The following PRKAG2 variants were observed in gnomAD, a reference collection of about 807,000 sequenced individuals.
The protein encoded by PRKAG2 is 5'-AMP-activated protein kinase subunit gamma-2.
A neutral mutation model predicts 69.6 loss-of-function variants in PRKAG2; 26 were observed. That is an observed-to-expected ratio of 0.37 (90% confidence interval 0.27 to 0.52). The LOEUF (loss-of-function observed/expected upper bound fraction) is 0.52, where lower values mean the gene tolerates loss of function less well. PRKAG2 is among the 20% of genes least tolerant of loss of function. The pLI, the probability that PRKAG2 is intolerant of heterozygous loss-of-function variation, is 0.90. For missense variants in PRKAG2, 557 were observed against 740.0 expected (o/e 0.75, Z 2.87); for synonymous variants, 293 against 285.0 (o/e 1.03, Z -0.28).
chr7:151,690,723 T>C (rs1407215807), intron 3 of PRKAG2, among the ~76,000 whole-genome samples: 1 of 152,222 alleles, frequency 6.6e-6, no homozygotes, highest in Non-Finnish European at 1.5e-5. Context: ...CTCCACAGCT[T>C]CAGCATCTAT....
intron 1 of PRKAG2, among the ~76,000 whole-genome samples, chr7:151,865,583 C>G (rs1563765572): frequency 6.6e-6 from 1 of 152,206 alleles, no homozygotes; most frequent in Non-Finnish European, 1.5e-5. Context: ...CTGGATGACT[C>G]AGTGAGAAGA....
intron 1 of PRKAG2, chr7:151,810,199 T>C (rs560700036): frequency 1.3e-5 from 2 of 152,334 alleles, no homozygotes; most frequent in African/African-American, 4.8e-5. Flanking sequence ...ATGCTCACAT[T>C]TGTCAGCTGT....
intron 3 of PRKAG2, among the ~76,000 whole-genome samples, chr7:151,688,948 A>G (rs1835200552): frequency 6.6e-6 from 1 of 151,944 alleles, no homozygotes; most frequent in South Asian, 2.1e-4. Flanking sequence ...CCATCTTCTG[A>G]GAGGAGCTAT....
chr7:151,652,024 G>A (rs1294725467), intron 4 of PRKAG2, among the ~76,000 whole-genome samples: 1 of 152,200 alleles, frequency 6.6e-6, no homozygotes, highest in East Asian at 1.9e-4. Flanking sequence ...ACTGCTAAGT[G>A]TAGATTTTAA....
rs1321738739 is a variant in PRKAG2, at chr7:151,710,298, G to A, written c.467-34661C>T. ...GCCCAGCCTGTCTCTATCTCAGTGC[G>A]TGGCACCCCTGTCCCCCAGCTGCCG... On this transcript the variant is annotated intron_variant, in intron 3 of 15. Coordinates refer to ENST00000287878, the MANE Select transcript of PRKAG2 (RefSeq NM_016203.4). 3.3e-5 allele frequency among the ~76,000 whole-genome samples: 5 copies of A among 152,226 alleles called. No individual in the cohort carries two copies. In the East Asian group the frequency reaches 5.8e-4, roughly 18 times the overall value.
intron 3 of PRKAG2, among the ~76,000 whole-genome samples, chr7:151,774,100 G>A (rs1245362006): frequency 6.6e-6 from 1 of 152,178 alleles, no homozygotes. Context: ...TTTGGTTGGG[G>A]TGTTTGACTC....
rs60401332 is a variant in PRKAG2, at chr7:151,860,594, G to A, written c.114+15913C>T. The stretch of plus-strand genomic sequence containing the variant: ...CCCACCCCACCCGAGGCCCACTGCA[G>A]ACTGGAAGGAGATGACTTGGGAGCC... On this transcript the variant is annotated intron_variant, in intron 1 of 15. Transcript: ENST00000287878. 3.0e-3 allele frequency among the ~76,000 whole-genome samples: 452 copies of A among 152,234 alleles called. 2 individuals are homozygous for A. Among genetic ancestry groups the A allele is most frequent in the African/African-American group, 0.01 (435 of 41,540 alleles).
intron 6 of PRKAG2, among the ~76,000 whole-genome samples, chr7:151,579,534 T>C (rs1809840443): frequency 6.6e-6 from 1 of 152,164 alleles, no homozygotes; most frequent in African/African-American, 2.4e-5. Flanking sequence ...GGAAACACTA[T>C]TTGAGGGCCC....
At chr7:151,865,356 G>GCCC in intron 1 of PRKAG2, among the ~76,000 whole-genome samples, 1 of 152,384 alleles carries the variant, frequency 6.6e-6, no homozygotes, top group Non-Finnish European at 1.5e-5. Context: ...GGCCAAGCCA[G>GCCC]CCCCAACCAC....
intron 13 of PRKAG2, 26 bp from the exon 14 acceptor site, chr7:151,564,250 A>G (rs201887236): frequency 1.5e-5 from 25 of 1,613,066 alleles, no homozygotes; most frequent in Middle Eastern, 3.3e-4. Flanking sequence ...AGAATAAATT[A>G]TATCCTTTCA....
intron 3 of PRKAG2, among the ~76,000 whole-genome samples, chr7:151,704,557 G>A (rs1838282441): frequency 6.6e-6 from 1 of 152,100 alleles, no homozygotes; most frequent in African/African-American, 2.4e-5. Context: ...TCTACTCTGG[G>A]GCTATTATAA....
chr7:151,757,496 C>T (rs1003011337), intron 3 of PRKAG2, among the ~76,000 whole-genome samples: 2 of 152,162 alleles, frequency 1.3e-5, no homozygotes, highest in African/African-American at 2.4e-5. Context: ...ATGGGAGATT[C>T]GGATTCAACC....
intron 3 of PRKAG2, among the ~76,000 whole-genome samples, chr7:151,740,567 G>A (rs2073811140): frequency 6.6e-6 from 1 of 152,198 alleles, no homozygotes; most frequent in Admixed American, 6.5e-5. Context: ...ATAGATACGG[G>A]GATCAGATAT....
In PRKAG2 at chr7:151,675,606, G is replaced by A. The variant is rs1230264795; in HGVS notation, c.498C>T (p.Pro166=). 1.2e-6 allele frequency: 2 copies of A among 1,614,064 alleles called. No individual in the cohort carries two copies. Among genetic ancestry groups the A allele is most frequent in the African/African-American group, 2.7e-5 (2 of 75,050 alleles). ...TSGLSSSPST[P]TQVTKQHTFP... The stretch of plus-strand genomic sequence containing the variant: ...ACGTGTGCTGCTTGGTCACTTGGGT[G>A]GGTGTTGACGGAGAGGAGGAGAGGC... Residue 166 remains proline (P), a synonymous_variant, in exon 4 of 16, where the codon CCC becomes CCT. Coordinates refer to ENST00000287878, the MANE Select transcript of PRKAG2 (RefSeq NM_016203.4).
In PRKAG2 at chr7:151,644,502, C is replaced by T. The variant is rs543290956; in HGVS notation, c.685-12364G>A. On this transcript the variant is annotated intron_variant, in intron 4 of 15. Transcript: ENST00000287878. ...TAATTATTTTGCCATTCATTCATGT[C>T]GCTCAGTATACCAGTAGTTTGTTCA... Among the ~76,000 whole-genome samples the T allele has an allele frequency of 1.6e-4, 24 of 152,298 alleles. No homozygotes were observed. In the South Asian group the frequency reaches 4.3e-3, roughly 28 times the overall value.
intron 4 of PRKAG2, among the ~76,000 whole-genome samples, chr7:151,640,820 G>C (rs1826546657): frequency 1.3e-5 from 2 of 152,176 alleles, no homozygotes; most frequent in Admixed American, 1.3e-4. Context: ...TCTCTGAAGG[G>C]AACGAATGAC....
chr7:151,596,889 T>C (rs1160769271), intron 5 of PRKAG2, among the ~76,000 whole-genome samples: 1 of 152,088 alleles, frequency 6.6e-6, no homozygotes, highest in Non-Finnish European at 1.5e-5. Flanking sequence ...ATGCAATGCC[T>C]ATCAAAATAC....
chr7:151,642,860 G>A (rs576555797), intron 4 of PRKAG2, among the ~76,000 whole-genome samples: 9 of 152,282 alleles, frequency 5.9e-5, no homozygotes, highest in African/African-American at 2.2e-4. Flanking sequence ...GGAGACAATG[G>A]TAAGCTTTTG....
Position 151,711,247 on chromosome 7 carries a change from G to T in PRKAG2, c.467-35610C>A, listed in dbSNP as rs1795256247. ...AGGCTTAAAGTGCTAAGAGTACTAGGCTGAGAGTATGAAGAGTGCTAGGCT... is the reference window on the plus strand; with the variant it reads ...AGGCTTAAAGTGCTAAGAGTACTAGTCTGAGAGTATGAAGAGTGCTAGGCT... On this transcript the variant is annotated intron_variant, in intron 3 of 15. Coordinates refer to ENST00000287878, the MANE Select transcript of PRKAG2 (RefSeq NM_016203.4). 2.0e-5 allele frequency among the ~76,000 whole-genome samples: 3 copies of T among 151,248 alleles called. No homozygotes were observed. The South Asian group carries it at 6.3e-4, about 32-fold the overall frequency.
Sources: gnomAD v4.1 joint callset for allele counts (sites outside exome capture counted in the v4.1 genomes callset) on GRCh38, gnomAD v4.1.1 for gene constraint, MANE v1.5 for transcripts, NCBI Gene and HGNC (gene_info 2026-07-23, HGNC 2026-07-21) for gene names.